Variants in MIER1 observed in about 807,000 individuals in gnomAD.
The protein encoded by MIER1 is mesoderm induction early response protein 1.
MIER1 carries 40 observed loss-of-function variants against 75.7 expected under a neutral mutation model. The observed-to-expected ratio is 0.53, with a 90% CI of 0.41 to 0.69. The LOEUF is 0.69. MIER1 is among the 30% of genes least tolerant of loss of function. MIER1 has a pLI of 0.00. For synonymous variants in MIER1, 213 were observed against 223.4 expected, an observed-to-expected ratio of 0.95 and a Z score of 0.42; for missense variants, 574 against 680.2, an observed-to-expected ratio of 0.84 and a Z score of 1.74.
chr1:66,930,180 C>T (rs982935833), intron 2 of MIER1: 18 of 1,329,938 alleles, frequency 1.4e-5, no homozygotes, highest in Non-Finnish European at 1.7e-5. Flanking sequence ...GGTCTTTTCC[C>T]TCCAGTCCAG....
chr1:66,976,237 C>T (rs1417015751), intron 11 of MIER1, among the ~76,000 whole-genome samples: 4 of 150,352 alleles, frequency 2.7e-5, no homozygotes, highest in Non-Finnish European at 4.4e-5. Context: ...CTCCTGACCT[C>T]GTGATCCACC....
rs1362258660 is a variant in MIER1, at chr1:66,987,296, T to C, written c.*2396T>C. The C allele has an allele frequency of 6.5e-6, 1 of 152,750 alleles. No homozygotes were observed. Among genetic ancestry groups the C allele is most frequent in the African/African-American group, 2.4e-5 (1 of 41,472 alleles). 9.5% of individuals were successfully genotyped at this position (152,750 alleles called of 1,614,324 possible). A position where few individuals can be genotyped will look rare whatever the true frequency, so the allele number is the denominator to read the frequency against. ...AGTTTTAGTAATATCATGAATTTAA[T>C]TTGCTTAAGATTTAGTACATTTCAG... On this transcript the variant is annotated 3_prime_UTR_variant, in exon 14 of 14. Transcript: ENST00000401041.
chr1:66,940,370 A>G (rs1655935679), intron 3 of MIER1: 1 of 234,144 alleles, frequency 4.3e-6, no homozygotes, highest in Non-Finnish European at 8.2e-6. Context: ...TGCTTTTTAA[A>G]AAGGAATCAT....
At chr1:66,983,135 C>A (rs866104335) in intron 13 of MIER1, among the ~76,000 whole-genome samples, 2 of 152,138 alleles carry the variant, frequency 1.3e-5, no homozygotes, top group East Asian at 3.8e-4. Context: ...CTCAACATTA[C>A]GTACAGTCAA....
At chr1:66,975,990 T>TTGTG (rs537234620) in intron 11 of MIER1, among the ~76,000 whole-genome samples, 8 of 151,640 alleles carry the variant, frequency 5.3e-5, no homozygotes, top group South Asian at 4.2e-4. Context: ...GGCCTTTTTT[T>TTGTG]TGTGTGTGTG....
chr1:66,951,170 T>C (rs909548426), intron 4 of MIER1, among the ~76,000 whole-genome samples: 1 of 152,240 alleles, frequency 6.6e-6, no homozygotes, highest in Admixed American at 6.5e-5. Context: ...ACTTGAGATA[T>C]AGTATATAGT....
intron 3 of MIER1, 80 bp downstream of exon 3, chr1:66,940,132 G>C: frequency 9.8e-7 from 1 of 1,015,612 alleles, no homozygotes; most frequent in East Asian, 2.5e-5. Context: ...AGAGGAGTTA[G>C]ACTATTATCT....
At chr1:66,944,697 CA>C (rs1292117914) in intron 3 of MIER1, among the ~76,000 whole-genome samples, 1 of 151,864 alleles carries the variant, frequency 6.6e-6, no homozygotes, top group East Asian at 1.9e-4. Context: ...AAGTTAAGGA[CA>C]GCTACTCAAA....
chr1:66,958,317 CCTGA>C, intron 5 of MIER1, 97 bp downstream of exon 5: 2 of 879,764 alleles, frequency 2.3e-6, no homozygotes, highest in Non-Finnish European at 1.6e-6. Context: ...ATAATCTTTT[CCTGA>C]TTTTAAAAGT....
intron 2 of MIER1, among the ~76,000 whole-genome samples, chr1:66,933,734 A>G (rs1654001898): frequency 6.6e-6 from 1 of 152,206 alleles, no homozygotes; most frequent in Non-Finnish European, 1.5e-5. Flanking sequence ...AGTCAAGATC[A>G]CCAGTGCGTG....
Position 66,946,372 on chromosome 1 carries a change from T to G in MIER1, c.339+77T>G. The G allele has an allele frequency of 2.0e-6, 3 of 1,474,486 alleles. No homozygotes were observed. In the South Asian group the frequency reaches 4.5e-5, roughly 22 times the overall value. The allele number at this position is 1,474,486 out of a possible 1,614,324, so 91.3% of individuals were successfully genotyped here. ...AAGGGAAGATCTGAAATTTTGATTC[T>G]CTGATTAGGAGAGAAATTGTGTTAT... On this transcript the variant is annotated intron_variant, in intron 4 of 13. Coordinates refer to ENST00000401041, the MANE Select transcript of MIER1 (RefSeq NM_001077700.3).
rs1666540142 is a variant in MIER1 at position 66,984,698 on chromosome 1, A to G, written c.1496A>G (p.Tyr499Cys). 1 of 1,614,074 alleles carries G rather than the reference A, an allele frequency of 6.2e-7. No individual in the cohort carries two copies. Among genetic ancestry groups the G allele is most frequent in the Non-Finnish European group, 8.5e-7 (1 of 1,179,956 alleles). Residue 499 changes from tyrosine to cysteine, a missense_variant, in exon 14 of 14, where the codon TAT becomes TGT. Transcript: ENST00000401041. ...PLHADMDTNGYETDNLTTDPK... is the reference protein window; with the variant it reads ...PLHADMDTNGCETDNLTTDPK... ...CATGCAGATATGGATACTAATGGTT[A>G]TGAAACAGATAACCTTACCACTGAC...
At chr1:66,944,718 TTTTTTTATTTA>T (rs1246445226) in intron 3 of MIER1, among the ~76,000 whole-genome samples, 1 of 151,990 alleles carries the variant, frequency 6.6e-6, no homozygotes, top group East Asian at 1.9e-4. Context: ...ATATTAGATT[TTTTTTTATTTA>T]TTTTTTATTT....
At chr1:66,935,095 C>A (rs1654451007) in intron 2 of MIER1, among the ~76,000 whole-genome samples, 1 of 152,056 alleles carries the variant, frequency 6.6e-6, no homozygotes, top group South Asian at 2.1e-4. Flanking sequence ...GTAATTACTT[C>A]ATGTTTTTAC....
At chr1:66,950,931 G>T (rs1658790667) in intron 4 of MIER1, among the ~76,000 whole-genome samples, 1 of 152,046 alleles carries the variant, frequency 6.6e-6, no homozygotes. Context: ...CATTTTATTG[G>T]TAAGTCAGTT....
Position 66,986,624 on chromosome 1 carries a change from T to C in MIER1, c.*1724T>C, listed in dbSNP as rs1666817471. ...TTCCCTTCACCAATGTGAACAACTT[T>C]TTTTCCCAAACAGTGTTAAAAGCCA... On this transcript the variant is annotated 3_prime_UTR_variant, in exon 14 of 14. Transcript: ENST00000401041. The C allele has an allele frequency of 9.4e-6, 6 of 636,832 alleles. No individual in the cohort carries two copies. Among genetic ancestry groups the C allele is most frequent in the Non-Finnish European group, 1.1e-5 (4 of 368,662 alleles). 39.4% of individuals were successfully genotyped at this position (636,832 alleles called of 1,614,324 possible). A position where few individuals can be genotyped will look rare whatever the true frequency, so the allele number is the denominator to read the frequency against.
chr1:66,976,507 C>T, intron 11 of MIER1, 88 bp from the exon 12 acceptor site: 1 of 1,334,744 alleles, frequency 7.5e-7, no homozygotes, highest in Non-Finnish European at 1.0e-6. Context: ...TAAGGACTAG[C>T]CAAATTTATT....
At chr1:66,965,983 A>G (rs1264122926) in intron 8 of MIER1, among the ~76,000 whole-genome samples, 4 of 152,190 alleles carry the variant, frequency 2.6e-5, no homozygotes, top group Admixed American at 2.6e-4. Flanking sequence ...ATTGCAAATG[A>G]CTGGATCTCA....
chr1:66,987,311 G>A lies in MIER1; in HGVS notation c.*2411G>A, dbSNP rs1666906257. On this transcript the variant is annotated 3_prime_UTR_variant, in exon 14 of 14. Coordinates refer to ENST00000401041, the MANE Select transcript of MIER1 (RefSeq NM_001077700.3). The stretch of plus-strand genomic sequence containing the variant: ...ATGAATTTAATTTGCTTAAGATTTA[G>A]TACATTTCAGAACTTTTGAACTTTT... The A allele has an allele frequency of 6.6e-6, 1 of 152,626 alleles. No homozygotes were observed. Among genetic ancestry groups the A allele is most frequent in the Non-Finnish European group, 1.5e-5 (1 of 67,980 alleles). 9.5% of individuals were successfully genotyped at this position (152,626 alleles called of 1,614,324 possible). A position where few individuals can be genotyped will look rare whatever the true frequency, so the allele number is the denominator to read the frequency against.
Sources: gnomAD v4.1 joint callset for allele counts (sites outside exome capture counted in the v4.1 genomes callset) on GRCh38, gnomAD v4.1.1 for gene constraint, MANE v1.5 for transcripts, NCBI Gene and HGNC (gene_info 2026-07-23, HGNC 2026-07-21) for gene names.